The following SLC6A19 variants were observed in gnomAD, a reference collection of about 807,000 sequenced individuals.
SLC6A19 encodes solute carrier family 6 member 19.
Under a neutral mutation model 68.3 loss-of-function variants are expected in SLC6A19, and 67 were observed. That is an observed-to-expected ratio of 0.98 (90% CI 0.81 to 1.20). The LOEUF is 1.20. Among genes scored for constraint, SLC6A19 ranks in the 50% most tolerant of loss-of-function variants. The probability of loss-of-function intolerance (pLI) is 0.00; values close to 1 mark genes in which losing one functional copy is unlikely to be tolerated. For missense variants in SLC6A19, 813 were observed against 851.6 expected, an observed-to-expected ratio of 0.95 and a Z score of 0.56; for synonymous variants, 392 against 374.9, an observed-to-expected ratio of 1.05 and a Z score of -0.53.
In SLC6A19 at chr5:1,219,512, C is replaced by T; in HGVS notation, c.1386C>T (p.Ile462=). The T allele has an allele frequency of 6.2e-7, 1 of 1,611,614 alleles. No individual in the cohort carries two copies. Among genetic ancestry groups the T allele is most frequent in the Non-Finnish European group, 8.5e-7 (1 of 1,180,010 alleles). ...CTGTCCCCCGGCCTGCAGGCCTCAT[C>T]TGCCTGGGGACATTCCTCATTGGCT... ...KWPKEVLTGL[I]CLGTFLIGFI... Residue 462 remains isoleucine (I), a synonymous_variant, in exon 10 of 12, where the codon ATC becomes ATT. Coordinates refer to ENST00000304460, the MANE Select transcript of SLC6A19 (RefSeq NM_001003841.3).
At chr5:1,213,787 CGACGGAGCCCCCACAGG>C (rs1255539059) in intron 5 of SLC6A19, among the ~76,000 whole-genome samples, 149 bp from the exon 6 acceptor site, 4 of 152,004 alleles carry the variant, frequency 2.6e-5, no homozygotes, top group Non-Finnish European at 5.9e-5. Context: ...CCCTGTGAGC[CGACGGAGCCCCCACAGG>C]GAAGGCATAG....
Position 1,214,148 on chromosome 5 carries a change from C to G in SLC6A19, c.887+83C>G. 1.3e-6 allele frequency: 2 copies of G among 1,599,742 alleles called. No homozygotes were observed. The highest frequency in any genetic ancestry group is 1.1e-5 in the South Asian group (1 of 89,766). ...GGAGGATAAAAGACAAGGTGGAAAG[C>G]ACTCTGTGGCTGTGTGGCCGGGGCC... is the stretch of plus-strand genomic sequence containing the variant. On this transcript the variant is annotated intron_variant, in intron 6 of 11. Coordinates refer to ENST00000304460, the MANE Select transcript of SLC6A19 (RefSeq NM_001003841.3). The surrounding 1 kb of genome is among the most constrained non-coding windows in gnomAD (Gnocchi z 7.4).
At chr5:1,204,203 G>C (rs1745790523) in intron 1 of SLC6A19, among the ~76,000 whole-genome samples, 1 of 152,204 alleles carries the variant, frequency 6.6e-6, no homozygotes, top group Admixed American at 6.5e-5. Flanking sequence ...TGTCCTTCGA[G>C]GTTAAAAACC....
intron 10 of SLC6A19, 74 bp downstream of exon 10, chr5:1,219,738 C>A: frequency 6.3e-7 from 1 of 1,590,832 alleles, no homozygotes; most frequent in East Asian, 2.2e-5. Context: ...TGAGGGAGGA[C>A]CCGGGCTGTG....
In SLC6A19 at chr5:1,219,631, T is replaced by A. The variant is rs777982652; in HGVS notation, c.1505T>A (p.Met502Lys). ...IPLLIIAFCE[M>K]FSVVYVYGVD... ...CTGCTCATCATCGCCTTCTGCGAGATGTTCTCTGTGGTCTACGTGTACGGT... is the reference window on the plus strand; with the variant it reads ...CTGCTCATCATCGCCTTCTGCGAGAAGTTCTCTGTGGTCTACGTGTACGGT... The change falls in exon 10 of 12, where the codon ATG becomes AAG. Residue 502 changes from methionine (M) to lysine (K), a missense_variant. Physicochemically the swap from Met to Lys is moderately conservative, Grantham distance 95. Coordinates refer to ENST00000304460, the MANE Select transcript of SLC6A19 (RefSeq NM_001003841.3). The A allele has an allele frequency of 4.4e-6, 7 of 1,608,344 alleles. No homozygotes were observed. The South Asian group carries it at 7.7e-5, about 18-fold the overall frequency.
In SLC6A19 at chr5:1,222,364, T is replaced by C; in HGVS notation, c.*460T>C. The C allele has an allele frequency of 4.3e-6, 2 of 468,422 alleles. No individual in the cohort carries two copies. The highest frequency in any genetic ancestry group is 3.7e-6 in the Non-Finnish European group (1 of 267,950). 29.0% of individuals were successfully genotyped at this position (468,422 alleles called of 1,614,324 possible). Reference sequence around the variant, plus strand: ...CGTGTATACATGCATGCACATGTGCTCGTACAATGGGTGTCCACATGCACG... The same window carrying C: ...CGTGTATACATGCATGCACATGTGCCCGTACAATGGGTGTCCACATGCACG... On this transcript the variant is annotated 3_prime_UTR_variant, in exon 12 of 12. Coordinates refer to ENST00000304460, the MANE Select transcript of SLC6A19 (RefSeq NM_001003841.3).
chr5:1,210,677 G>A (rs895488391), intron 3 of SLC6A19, 96 bp downstream of exon 3: 23 of 1,555,220 alleles, frequency 1.5e-5, no homozygotes, highest in Non-Finnish European at 1.8e-5. Context: ...GTCAGGCGTG[G>A]CAGAAACCAG....
chr5:1,213,893 T>A, intron 5 of SLC6A19, 60 bp from the exon 6 acceptor site: 1 of 439,460 alleles, frequency 2.3e-6, no homozygotes, highest in South Asian at 2.9e-5. Context: ...GAGCACACCC[T>A]CCCAGGTCCC....
In SLC6A19 at chr5:1,214,279, AG is replaced by A. The variant is rs1746140837; in HGVS notation, c.887+215del. 6.6e-6 allele frequency among the ~76,000 whole-genome samples: 1 copy of A among 152,028 alleles called. No homozygotes were observed. Among genetic ancestry groups the A allele is most frequent in the Non-Finnish European group, 1.5e-5 (1 of 67,988 alleles). On this transcript the variant is annotated intron_variant, in intron 6 of 11. Transcript: ENST00000304460. The surrounding 1 kb of genome is among the most constrained non-coding windows in gnomAD (Gnocchi z 7.4). ...AGGTCTCCCTGTGAGGAGGGCCAGG[AG>A]CCGGGCGCCTGCAGCTTTCCCCACA...
At position 1,210,506 on chromosome 5, in the gene SLC6A19, A is replaced by T; in HGVS notation, c.406A>T (p.Ile136Phe). ...GTATTACAACACCATCATCTCCTGG[A>T]TCATGTGGTACTTATTCAACTCCTT... ...GLYYNTIISW[I>F]MWYLFNSFQE... The change falls in exon 3 of 12, where the codon ATC (isoleucine) becomes TTC (phenylalanine). Residue 136 changes from isoleucine (I) to phenylalanine (F), a missense_variant. Ile to Phe is a conservative substitution (Grantham distance 21). Coordinates refer to ENST00000304460, the MANE Select transcript of SLC6A19 (RefSeq NM_001003841.3). The T allele has an allele frequency of 6.2e-7, 1 of 1,613,450 alleles. No individual in the cohort carries two copies. The highest frequency in any genetic ancestry group is 8.5e-7 in the Non-Finnish European group (1 of 1,180,016).
Position 1,208,897 on chromosome 5 carries a change from C to T in SLC6A19, c.343+11C>T, listed in dbSNP as rs146085736. ...CCCTGAAGGGCCTAGGTGAGTGCCTCGGAGCAGTTCCACCCGGGCCCAGGG... is the reference window on the plus strand; with the variant it reads ...CCCTGAAGGGCCTAGGTGAGTGCCTTGGAGCAGTTCCACCCGGGCCCAGGG... On this transcript the variant is annotated intron_variant, in intron 2 of 11. Coordinates refer to ENST00000304460, the MANE Select transcript of SLC6A19 (RefSeq NM_001003841.3). 7.7e-4 allele frequency: 1,234 copies of T among 1,609,888 alleles called. 1 individual carries two copies. The highest frequency in any genetic ancestry group is 1.2e-3 in the Admixed American group (70 of 59,880).
At position 1,209,143 on chromosome 5, in the gene SLC6A19, G is replaced by C. The variant is rs536400772; in HGVS notation, c.343+257G>C. On this transcript the variant is annotated intron_variant, in intron 2 of 11. Coordinates refer to ENST00000304460, the MANE Select transcript of SLC6A19 (RefSeq NM_001003841.3). This position sits in a 1 kb window ranked among gnomAD's most constrained non-coding sequence, Gnocchi z 5.5. ...GCAGCCCAGGGCCCAGGAGGGTCCA[G>C]ACACTGGACAGCAGAGTGACCACTC... Among the ~76,000 whole-genome samples, 45 of 152,070 alleles carry C rather than the reference G, an allele frequency of 3.0e-4. No homozygotes were observed. Among genetic ancestry groups the C allele is most frequent in the African/African-American group, 1.1e-3 (44 of 41,488 alleles).
rs1561170503 is a variant in SLC6A19, at chr5:1,221,871, CA to C, written c.1873del (p.Thr625GlnfsTer4). 6.8e-6 allele frequency: 11 copies of C among 1,614,166 alleles called. No homozygotes were observed. The highest frequency in any genetic ancestry group is 8.5e-6 in the Non-Finnish European group (10 of 1,180,044). On this transcript the variant is annotated frameshift_variant, in exon 12 of 12. Transcript: ENST00000304460. LOFTEE classifies it high-confidence loss of function. ...DHQGLVSTLS[T>X]ASMNGDLKY ...ATCAGGGGCTGGTGAGCACACTGTC[CA>C]CAGCCTCCATGAACGGGGACCTGAA... is the stretch of plus-strand genomic sequence containing the variant.
At chr5:1,220,711 G>A (rs182446291) in intron 10 of SLC6A19, among the ~76,000 whole-genome samples, 3 of 152,292 alleles carry the variant, frequency 2.0e-5, no homozygotes, top group East Asian at 3.9e-4. Flanking sequence ...TTATGCAGAC[G>A]ATAAACTCCT....
chr5:1,213,051 C>A (rs1279324905), intron 4 of SLC6A19, among the ~76,000 whole-genome samples: 1 of 139,528 alleles, frequency 7.2e-6, no homozygotes, highest in African/African-American at 2.7e-5. Context: ...ACATACCCAG[C>A]CGCCCGCAGG....
chr5:1,218,609 C>A (rs1402443911), intron 8 of SLC6A19, among the ~76,000 whole-genome samples: 1 of 152,224 alleles, frequency 6.6e-6, no homozygotes, highest in African/African-American at 2.4e-5. Flanking sequence ...TGCACTGGAT[C>A]AGGGCTGTGC....
At chr5:1,219,710 G>A in intron 10 of SLC6A19, 46 bp downstream of exon 10, 1 of 1,599,460 alleles carries the variant, frequency 6.3e-7, no homozygotes, top group Non-Finnish European at 8.5e-7. Flanking sequence ...AGAAAAGCCA[G>A]GTCACAGGGC....
At chr5:1,207,382 C>G (rs1272337647) in intron 1 of SLC6A19, among the ~76,000 whole-genome samples, 1 of 147,008 alleles carries the variant, frequency 6.8e-6, no homozygotes, top group Non-Finnish European at 1.5e-5. Flanking sequence ...CAGGGCAGCC[C>G]GCTTGGCCGG....
In SLC6A19 at chr5:1,212,714, A is replaced by C. The variant is rs1274960251; in HGVS notation, c.663+230A>C. Among the ~76,000 whole-genome samples, 3 of 151,976 alleles carry C rather than the reference A, an allele frequency of 2.0e-5. No individual in the cohort carries two copies. The highest frequency in any genetic ancestry group is 4.4e-5 in the Non-Finnish European group (3 of 67,974). The stretch of plus-strand genomic sequence containing the variant: ...CCAGACTTGGGGCTCCAGGAACTTG[A>C]CGTTGGCCCACACGACACTTAGCGT... On this transcript the variant is annotated intron_variant, in intron 4 of 11. Coordinates refer to ENST00000304460, the MANE Select transcript of SLC6A19 (RefSeq NM_001003841.3). This position sits in a 1 kb window ranked among gnomAD's most constrained non-coding sequence, Gnocchi z 5.1.
Sources: gnomAD v4.1 joint callset for allele counts (sites outside exome capture counted in the v4.1 genomes callset) on GRCh38, gnomAD v4.1.1 for gene constraint, Gnocchi (gnomAD v3.1) non-coding constraint, MANE v1.5 for transcripts, NCBI Gene and HGNC (gene_info 2026-07-23, HGNC 2026-07-21) for gene names.